BCL2L13: variants seen among roughly 807,000 people sequenced by gnomAD.
BCL2L13 encodes BCL2 like 13, also known as bcl-2-like protein 13.
A neutral mutation model predicts 25.8 loss-of-function variants in BCL2L13; 13 were observed. The observed-to-expected ratio is 0.50, with a 90% CI of 0.33 to 0.80. The LOEUF (loss-of-function observed/expected upper bound fraction) is 0.80. Among genes scored for constraint, BCL2L13 ranks in the 30% least tolerant of loss-of-function variants. The pLI, the probability that BCL2L13 is intolerant of heterozygous loss-of-function variation, is 0.02. For synonymous variants in BCL2L13, 244 were observed against 230.3 expected, an observed-to-expected ratio of 1.06 and a Z score of -0.54; for missense variants, 504 against 574.9, an observed-to-expected ratio of 0.88 and a Z score of 1.26.
At chr22:17,665,419 C>T (rs750065688) in intron 2 of BCL2L13, among the ~76,000 whole-genome samples, 3 of 152,200 alleles carry the variant, frequency 2.0e-5, no homozygotes, top group Admixed American at 6.6e-5. Flanking sequence ...TTTCCTGAGC[C>T]TTCCACACTG....
chr22:17,630,591 C>CTTTT (rs568905142), intron 1 of BCL2L13, among the ~76,000 whole-genome samples: 10 of 120,574 alleles, frequency 8.3e-5, no homozygotes, highest in African/African-American at 1.6e-4. Flanking sequence ...TTTTTCTTTT[C>CTTTT]TTTTTTTTTT....
chr22:17,727,006 G>A lies in BCL2L13; in HGVS notation c.930G>A (p.Val310=), dbSNP rs965014045. Residue 310 remains valine, a synonymous_variant, in exon 7 of 7, where the codon GTG becomes GTA. Transcript: ENST00000317582. ...NNSSNSDIVH[V]EKEEVPEGME... ...CCTCTAATTCTGACATTGTGCACGTGGAGAAAGAAGAGGTGCCCGAGGGCA... is the reference window on the plus strand; with the variant it reads ...CCTCTAATTCTGACATTGTGCACGTAGAGAAAGAAGAGGTGCCCGAGGGCA... The A allele has an allele frequency of 6.2e-7, 1 of 1,614,196 alleles. No homozygotes were observed. The highest frequency in any genetic ancestry group is 1.6e-4 in the Middle Eastern group (1 of 6,062).
intron 6 of BCL2L13, among the ~76,000 whole-genome samples, chr22:17,715,122 T>TTATA (rs1371492072): frequency 9.4e-4 from 50 of 52,946 alleles, no homozygotes; most frequent in South Asian, 1.7e-3. Flanking sequence ...AGTGTTAATT[T>TTATA]TATATATATA....
At position 17,631,685 on chromosome 22, in the gene BCL2L13, TATATATATATATATATATA is replaced by T. The variant is rs2058024880; in HGVS notation, c.-650+2681_-650+2699del. On this transcript the variant is annotated intron_variant, in intron 1 of 6. Transcript: ENST00000399782. ...GTGTGTGTGTGTATATATATATATATATATATATATATATATATATATTTTTTTTTTTTTTTTTTTTTTT... is the reference window on the plus strand; with the variant it reads ...GTGTGTGTGTGTATATATATATATATTATTTTTTTTTTTTTTTTTTTTTTT... Among the ~76,000 whole-genome samples the T allele has an allele frequency of 2.7e-4, 11 of 40,226 alleles. 1 individual carries two copies. The South Asian group carries it at 7.2e-3, about 26-fold the overall frequency. The allele number at this position is 40,226 out of a possible 152,430, so 26.4% of individuals were successfully genotyped here. A position where few individuals can be genotyped will look rare whatever the true frequency, so the allele number is the denominator to read the frequency against.
chr22:17,668,151 C>T (rs2059295967), intron 2 of BCL2L13, among the ~76,000 whole-genome samples: 1 of 151,720 alleles, frequency 6.6e-6, no homozygotes, highest in Non-Finnish European at 1.5e-5. Context: ...GCTGGGATTA[C>T]AGGCGCACAC....
intron 1 of BCL2L13, among the ~76,000 whole-genome samples, chr22:17,642,129 C>CTTT (rs35772364): frequency 3.0e-5 from 2 of 67,652 alleles, no homozygotes; most frequent in Non-Finnish European, 5.5e-5. Context: ...TGGCTTCTCT[C>CTTT]TTTTTTTTTT....
intron 1 of BCL2L13, among the ~76,000 whole-genome samples, chr22:17,631,670 G>GTGTATGTATATATATATATA (rs1203626385): frequency 3.7e-5 from 1 of 26,892 alleles, no homozygotes; most frequent in Non-Finnish European, 6.8e-5. Flanking sequence ...GTGTGTGTGT[G>GTGTATGTATATATATATATA]TATATATATA....
intron 6 of BCL2L13, among the ~76,000 whole-genome samples, chr22:17,706,329 G>GTT (rs945929302): frequency 5.9e-5 from 8 of 136,286 alleles, no homozygotes; most frequent in African/African-American, 1.1e-4. Flanking sequence ...TTTCTACCTT[G>GTT]TTTTTTTTTT....
At chr22:17,658,545 T>G (rs2058958546) in intron 2 of BCL2L13, among the ~76,000 whole-genome samples, 1 of 151,516 alleles carries the variant, frequency 6.6e-6, no homozygotes, top group South Asian at 2.1e-4. Context: ...AATACAAAAA[T>G]TAGCCGGGCA....
intron 3 of BCL2L13, among the ~76,000 whole-genome samples, chr22:17,685,117 G>A (rs890644714): frequency 2.0e-5 from 3 of 151,728 alleles, no homozygotes; most frequent in East Asian, 1.9e-4. Flanking sequence ...CAGGTGATCC[G>A]CCCACCTCGG....
intron 2 of BCL2L13, among the ~76,000 whole-genome samples, chr22:17,678,535 T>C (rs1156438443): frequency 6.6e-6 from 1 of 152,186 alleles, no homozygotes; most frequent in Non-Finnish European, 1.5e-5. Context: ...TTATAACTTC[T>C]TTATGGTAGT....
At chr22:17,667,368 G>A (rs1266780077) in intron 2 of BCL2L13, among the ~76,000 whole-genome samples, 6 of 151,742 alleles carry the variant, frequency 4.0e-5, no homozygotes, top group African/African-American at 1.5e-4. Context: ...GATGGGTTTC[G>A]CCATGTTGGT....
intron 1 of BCL2L13, among the ~76,000 whole-genome samples, chr22:17,642,334 T>C (rs529339061): frequency 7.2e-5 from 11 of 152,056 alleles, no homozygotes; most frequent in African/African-American, 2.7e-4. Context: ...AATTTTTGTA[T>C]TTTTAGTAGA....
At chr22:17,690,742 G>A (rs1568978691) in intron 4 of BCL2L13, among the ~76,000 whole-genome samples, 2 of 151,950 alleles carry the variant, frequency 1.3e-5, no homozygotes, top group South Asian at 4.2e-4. Context: ...CTCCAACCTG[G>A]GCAACAGAGC....
intron 1 of BCL2L13, among the ~76,000 whole-genome samples, chr22:17,654,434 T>A (rs1163178995): frequency 6.6e-6 from 1 of 150,656 alleles, no homozygotes; most frequent in East Asian, 1.9e-4. Flanking sequence ...TTCTTCTGTT[T>A]TTTTTTGAGA....
intron 3 of BCL2L13, 118 bp from the exon 4 acceptor site, chr22:17,688,868 A>G (rs1029657605): frequency 2.2e-5 from 21 of 970,518 alleles, no homozygotes; most frequent in Non-Finnish European, 3.0e-5. Context: ...CCTGGGTTCA[A>G]GTGATTCTCC....
rs554999850 is a variant in BCL2L13, at chr22:17,639,860, T to C, written c.-51+974T>C. 1.9e-3 allele frequency among the ~76,000 whole-genome samples: 289 copies of C among 151,658 alleles called. 1 individual carries two copies. Among genetic ancestry groups the C allele is most frequent in the Middle Eastern group, 3.4e-3 (1 of 294 alleles). ...CACCCTTCAGATACCTTCTTTCTTT[T>C]TTTTTTTTTTTGAGACAGAGTTTCC... On this transcript the variant is annotated intron_variant, in intron 1 of 6. Transcript: ENST00000317582.
At chr22:17,656,274 C>G (rs1193979903) in intron 2 of BCL2L13, among the ~76,000 whole-genome samples, 1 of 148,310 alleles carries the variant, frequency 6.7e-6, no homozygotes, top group Non-Finnish European at 1.5e-5. Context: ...AAGAATAACC[C>G]GTTATGCCAT....
intron 2 of BCL2L13, among the ~76,000 whole-genome samples, chr22:17,682,565 C>G (rs556877938): frequency 1.3e-5 from 2 of 152,168 alleles, no homozygotes; most frequent in East Asian, 1.9e-4. Context: ...AAAAAGGATA[C>G]ATTGTCTACA....
Sources: allele counts gnomAD v4.1 joint callset (sites outside exome capture counted in the v4.1 genomes callset), GRCh38; gene constraint gnomAD v4.1.1; transcripts MANE v1.5; gene names NCBI Gene and HGNC (gene_info 2026-07-23, HGNC 2026-07-21).